Variants in FGF2 observed in about 807,000 individuals in gnomAD.
The protein encoded by FGF2 is fibroblast growth factor 2.
Under a neutral mutation model 15.9 loss-of-function variants are expected in FGF2, and 13 were observed. That is an observed-to-expected ratio of 0.82 (90% CI 0.53 to 1.30). FGF2 has a LOEUF of 1.30. FGF2 is among the 50% of genes most tolerant of loss of function. The pLI, the probability that FGF2 is intolerant of heterozygous loss-of-function variation, is 0.00. For synonymous variants in FGF2, 90 were observed against 78.4 expected, an observed-to-expected ratio of 1.15 and a Z score of -0.78; for missense variants, 163 against 196.9, an observed-to-expected ratio of 0.83 and a Z score of 1.03.
chr4:122,875,273 C>G (rs1471471302), intron 1 of FGF2, among the ~76,000 whole-genome samples: 1 of 151,628 alleles, frequency 6.6e-6, no homozygotes, highest in African/African-American at 2.4e-5. Flanking sequence ...TTTCTGTAAT[C>G]TGCTTAATAT....
chr4:122,884,038 A>T (rs180894497), intron 2 of FGF2, among the ~76,000 whole-genome samples: 162 of 152,358 alleles, frequency 1.1e-3, no homozygotes, highest in Non-Finnish European at 1.9e-3. Context: ...ATCTATACTG[A>T]TGAAATTTGT....
intron 1 of FGF2, among the ~76,000 whole-genome samples, chr4:122,841,601 AT>A (rs1320678888): frequency 9.2e-5 from 14 of 152,244 alleles, no homozygotes; most frequent in African/African-American, 2.9e-4. Flanking sequence ...AAGAAAAAAA[AT>A]AAAGGTGATA....
chr4:122,845,795 A>G (rs911938702), intron 1 of FGF2, among the ~76,000 whole-genome samples: 1 of 152,154 alleles, frequency 6.6e-6, no homozygotes, highest in African/African-American at 2.4e-5. Flanking sequence ...AGACCACTCA[A>G]ACTTTCTCCA....
rs930214766 is a variant in FGF2 at position 122,893,343 on chromosome 4, T to C, written c.*947T>C. The C allele has an allele frequency of 4.2e-6, 4 of 950,626 alleles. No homozygotes were observed. In the African/African-American group the frequency reaches 6.7e-5, roughly 16 times the overall value. 58.9% of individuals were successfully genotyped at this position (950,626 alleles called of 1,614,324 possible). A position where few individuals can be genotyped will look rare whatever the true frequency, so the allele number is the denominator to read the frequency against. On this transcript the variant is annotated 3_prime_UTR_variant, in exon 3 of 3. Transcript: ENST00000644866. ...GGCTCAAAACATTACCCTAACAAAGTAAAGTTTTCAATACAAATTCTTTGC... is the reference window on the plus strand; with the variant it reads ...GGCTCAAAACATTACCCTAACAAAGCAAAGTTTTCAATACAAATTCTTTGC...
chr4:122,885,522 A>G (rs368896316), intron 2 of FGF2, among the ~76,000 whole-genome samples: 1 of 152,164 alleles, frequency 6.6e-6, no homozygotes, highest in South Asian at 2.1e-4. Flanking sequence ...GTAGCCCTAG[A>G]GTCAGTTTTG....
chr4:122,860,705 C>T (rs1399646644), intron 1 of FGF2, among the ~76,000 whole-genome samples: 1 of 152,160 alleles, frequency 6.6e-6, no homozygotes, highest in East Asian at 1.9e-4. Context: ...AATCCACCCA[C>T]CTTGGCCTCC....
intron 1 of FGF2, among the ~76,000 whole-genome samples, chr4:122,868,734 A>G (rs1726659832): frequency 6.6e-6 from 1 of 152,176 alleles, no homozygotes; most frequent in Non-Finnish European, 1.5e-5. Context: ...ATTCCCACCA[A>G]CGGTGTTAAA....
rs554560967 is a variant in FGF2 at position 122,844,586 on chromosome 4, TCTTCCTTC to T, written c.178+17258_178+17265del. Among the ~76,000 whole-genome samples, 399 of 133,874 alleles carry T rather than the reference TCTTCCTTC, an allele frequency of 3.0e-3. 3 individuals carry two copies. Among genetic ancestry groups the T allele is most frequent in the African/African-American group, 9.9e-3 (300 of 30,394 alleles). The allele number at this position is 133,874 out of a possible 152,430, so 87.8% of individuals were successfully genotyped here. A position where few individuals can be genotyped will look rare whatever the true frequency, so the allele number is the denominator to read the frequency against. On this transcript the variant is annotated intron_variant, in intron 1 of 2. Transcript: ENST00000644866. Reference sequence around the variant, plus strand: ...CTTTCTTTCTTTTTCTTTCTTTCTTTCTTCCTTCCTTCCTTCCTTCCTTCCTTCCTTTC... The same window carrying T: ...CTTTCTTTCTTTTTCTTTCTTTCTTTCTTCCTTCCTTCCTTCCTTCCTTTC...
intron 1 of FGF2, among the ~76,000 whole-genome samples, chr4:122,869,196 T>G (rs1055909024): frequency 6.6e-6 from 1 of 152,178 alleles, no homozygotes; most frequent in Admixed American, 6.5e-5. Context: ...TTGGTCTATA[T>G]ATCTGTTTTG....
chr4:122,895,941 T>C lies in FGF2; in HGVS notation c.*3545T>C, dbSNP rs1321488084. The C allele has an allele frequency of 1.3e-5, 2 of 152,624 alleles. No homozygotes were observed. Among genetic ancestry groups the C allele is most frequent in the Non-Finnish European group, 2.9e-5 (2 of 68,038 alleles). 9.5% of individuals were successfully genotyped at this position (152,624 alleles called of 1,614,324 possible). A position where few individuals can be genotyped will look rare whatever the true frequency, so the allele number is the denominator to read the frequency against. Reference sequence around the variant, plus strand: ...GATGATTCAGCTTCATCATTAAGAATATCTTTTGTTTTATGTTGAGTTAGA... The same window carrying C: ...GATGATTCAGCTTCATCATTAAGAACATCTTTTGTTTTATGTTGAGTTAGA... On this transcript the variant is annotated 3_prime_UTR_variant, in exon 3 of 3. Transcript: ENST00000644866.
intron 1 of FGF2, among the ~76,000 whole-genome samples, chr4:122,853,267 C>T (rs1459016054): frequency 6.6e-6 from 1 of 152,108 alleles, no homozygotes; most frequent in African/African-American, 2.4e-5. Context: ...TACTGCACTC[C>T]AGCCTGCATG....
chr4:122,890,566 T>G (rs951991059), intron 2 of FGF2, among the ~76,000 whole-genome samples: 5 of 152,230 alleles, frequency 3.3e-5, no homozygotes, highest in Non-Finnish European at 5.9e-5. Flanking sequence ...TGAGACACAT[T>G]AGTCACTTTT....
chr4:122,837,218 G>A (rs1261221037), intron 1 of FGF2, among the ~76,000 whole-genome samples: 3 of 152,302 alleles, frequency 2.0e-5, no homozygotes, highest in Middle Eastern at 3.4e-3. Context: ...GACAAAGTGA[G>A]TCACAGTCTT....
chr4:122,884,914 A>G (rs62322256), intron 2 of FGF2, among the ~76,000 whole-genome samples: 1 of 152,094 alleles, frequency 6.6e-6, no homozygotes, highest in Non-Finnish European at 1.5e-5. Context: ...TCTAAAGACC[A>G]TCTAATCCAA....
At chr4:122,876,151 A>C (rs1472445632) in intron 1 of FGF2, among the ~76,000 whole-genome samples, 170 bp from the exon 2 acceptor site, 1 of 152,082 alleles carries the variant, frequency 6.6e-6, no homozygotes, top group Non-Finnish European at 1.5e-5. Context: ...TCTCTCATAC[A>C]GTTTAGTTGA....
At chr4:122,862,195 T>C (rs903593782) in intron 1 of FGF2, among the ~76,000 whole-genome samples, 2 of 152,218 alleles carry the variant, frequency 1.3e-5, no homozygotes, top group African/African-American at 2.4e-5. Context: ...AGTAAATGTA[T>C]TCACCATTTA....
At position 122,834,802 on chromosome 4, in the gene FGF2, TA is replaced by T. The variant is rs1309555717; in HGVS notation, c.178+7453del. 6.6e-5 allele frequency among the ~76,000 whole-genome samples: 10 copies of T among 152,340 alleles called. 1 individual carries two copies. The South Asian group carries it at 8.3e-4, about 13-fold the overall frequency. ...CTTCCCCAAAACTCAACTGCCTTTA[TA>T]AAGCTAATGAAAGGCCCTCAGGCTT... On this transcript the variant is annotated intron_variant, in intron 1 of 2. Coordinates refer to ENST00000644866, the MANE Select transcript of FGF2 (RefSeq NM_001361665.2).
Position 122,897,721 on chromosome 4 carries a change from T to A in FGF2, c.*5325T>A. The stretch of plus-strand genomic sequence containing the variant: ...AAAATAAAGTTAACATAACTTTCAC[T>A]AACACACACATATGTAGATTTCACA... On this transcript the variant is annotated 3_prime_UTR_variant, in exon 3 of 3. Transcript: ENST00000644866. 8.0e-7 allele frequency: 1 copy of A among 1,251,932 alleles called. No homozygotes were observed. Among genetic ancestry groups the A allele is most frequent in the Non-Finnish European group, 1.2e-6 (1 of 849,414 alleles). The allele number at this position is 1,251,932 out of a possible 1,614,324, so 77.6% of individuals were successfully genotyped here.
intron 1 of FGF2, among the ~76,000 whole-genome samples, chr4:122,844,429 T>A (rs1198962605): frequency 6.6e-6 from 1 of 152,220 alleles, no homozygotes; most frequent in Non-Finnish European, 1.5e-5. Flanking sequence ...TCTTCCAAAC[T>A]CTTAGTAGTG....
Sources: allele counts gnomAD v4.1 joint callset (sites outside exome capture counted in the v4.1 genomes callset), GRCh38; gene constraint gnomAD v4.1.1; transcripts MANE v1.5; gene names NCBI Gene and HGNC (gene_info 2026-07-23, HGNC 2026-07-21).